The following ANKS1B variants were observed in gnomAD, a reference collection of about 807,000 sequenced individuals.
ANKS1B encodes the protein ankyrin repeat and sterile alpha motif domain-containing protein 1B.
Under a neutral mutation model 148.3 loss-of-function variants are expected in ANKS1B, and 36 were observed. That is an observed-to-expected ratio of 0.24 (90% CI 0.19 to 0.32). The LOEUF is 0.32. Among genes scored for constraint, ANKS1B ranks in the 10% least tolerant of loss-of-function variants. ANKS1B has a pLI of 1.00. For synonymous variants in ANKS1B, 542 were observed against 560.8 expected (o/e 0.97, Z 0.47); for missense variants, 1,157 against 1,542.6 (o/e 0.75, Z 4.19).
At position 98,745,477 on chromosome 12, in the gene ANKS1B, G is replaced by C; in HGVS notation, c.*262C>G. ...GTCATCAGAAATACCTTGGGAGGTG[G>C]TGGGGAGGGGAGTCGGGAGCATCAG... On this transcript the variant is annotated 3_prime_UTR_variant, in exon 27 of 27. Coordinates refer to ENST00000683438, the MANE Select transcript of ANKS1B (RefSeq NM_001352186.2). 1 of 1,142,878 alleles carries C rather than the reference G, an allele frequency of 8.7e-7. No homozygotes were observed. The highest frequency in any genetic ancestry group is 2.9e-5 in the South Asian group (1 of 34,094). The allele number at this position is 1,142,878 out of a possible 1,614,324, so 70.8% of individuals were successfully genotyped here. A position where few individuals can be genotyped will look rare whatever the true frequency, so the allele number is the denominator to read the frequency against.
intron 17 of ANKS1B, among the ~76,000 whole-genome samples, chr12:98,909,517 T>C (rs2099783858): frequency 6.6e-6 from 1 of 152,222 alleles, no homozygotes; most frequent in South Asian, 2.1e-4. Flanking sequence ...TCTAGAGTTC[T>C]GGCATCGTAT....
chr12:99,964,641 G>A (rs2095462052), intron 1 of ANKS1B, among the ~76,000 whole-genome samples: 1 of 152,212 alleles, frequency 6.6e-6, no homozygotes, highest in African/African-American at 2.4e-5. Context: ...TGCCCATGTG[G>A]TGATGGCAGA....
At chr12:99,226,599 CGT>C (rs1305420173) in intron 14 of ANKS1B, among the ~76,000 whole-genome samples, 1 of 152,092 alleles carries the variant, frequency 6.6e-6, no homozygotes, top group African/African-American at 2.4e-5. Context: ...CACGGACAAA[CGT>C]ATTCATTTTC....
intron 12 of ANKS1B, among the ~76,000 whole-genome samples, chr12:99,364,522 A>T (rs2092663502): frequency 1.3e-5 from 2 of 152,174 alleles, no homozygotes; most frequent in Non-Finnish European, 2.9e-5. Flanking sequence ...TTGTACCTGT[A>T]GTTCTCTAAT....
chr12:99,006,937 C>T (rs2099936490), intron 17 of ANKS1B, among the ~76,000 whole-genome samples: 1 of 152,186 alleles, frequency 6.6e-6, no homozygotes, highest in Non-Finnish European at 1.5e-5. Flanking sequence ...GGTAAGCTAA[C>T]CCCGGAGCCT....
At chr12:99,438,055 A>C (rs1477341462) in intron 11 of ANKS1B, among the ~76,000 whole-genome samples, 3 of 151,828 alleles carry the variant, frequency 2.0e-5, no homozygotes, top group African/African-American at 4.8e-5. Flanking sequence ...TTGACTAATC[A>C]CTTTAAAATT....
At chr12:99,031,165 T>G (rs1015904159) in intron 17 of ANKS1B, among the ~76,000 whole-genome samples, 2 of 152,214 alleles carry the variant, frequency 1.3e-5, no homozygotes, top group African/African-American at 4.8e-5. Context: ...ATACACTTGA[T>G]GGGGTTATAA....
intron 10 of ANKS1B, among the ~76,000 whole-genome samples, chr12:99,451,989 T>C (rs933397280): frequency 6.6e-6 from 1 of 152,168 alleles, no homozygotes; most frequent in Non-Finnish European, 1.5e-5. Context: ...TCATCAAATA[T>C]AAGTATTTAA....
chr12:99,660,428 A>G (rs1485317411), intron 8 of ANKS1B, among the ~76,000 whole-genome samples: 2 of 149,092 alleles, frequency 1.3e-5, no homozygotes, highest in African/African-American at 2.5e-5. Flanking sequence ...CAGTGGCACA[A>G]TCTCTGCTCA....
intron 9 of ANKS1B, among the ~76,000 whole-genome samples, chr12:99,556,427 C>T (rs1449232600): frequency 6.6e-6 from 1 of 151,722 alleles, no homozygotes; most frequent in Non-Finnish European, 1.5e-5. Context: ...CATGGCTTTT[C>T]ATGTCTCAAT....
chr12:99,327,821 G>A (rs941237404), intron 12 of ANKS1B, among the ~76,000 whole-genome samples: 19 of 151,420 alleles, frequency 1.3e-4, no homozygotes, highest in Non-Finnish European at 1.5e-4. Context: ...TAATCCCAGG[G>A]ATCAGCACTG....
At chr12:98,909,636 G>A (rs1031634313) in intron 17 of ANKS1B, among the ~76,000 whole-genome samples, 6 of 152,200 alleles carry the variant, frequency 3.9e-5, no homozygotes, top group Non-Finnish European at 7.3e-5. Flanking sequence ...AAATGGAAAA[G>A]GAGAACAGGA....
intron 9 of ANKS1B, among the ~76,000 whole-genome samples, chr12:99,540,518 T>G (rs186628770): frequency 6.6e-6 from 1 of 152,218 alleles, no homozygotes; most frequent in Non-Finnish European, 1.5e-5. Flanking sequence ...AAATGAAAAT[T>G]GAGAAATTCA....
chr12:99,932,615 TTG>T (rs1354725293), intron 1 of ANKS1B, among the ~76,000 whole-genome samples: 7 of 152,196 alleles, frequency 4.6e-5, no homozygotes, highest in Non-Finnish European at 1.0e-4. Context: ...AATATTTTAA[TTG>T]AATTACTAGA....
intron 8 of ANKS1B, among the ~76,000 whole-genome samples, chr12:99,703,537 A>G (rs1022759624): frequency 2.0e-5 from 3 of 152,102 alleles, no homozygotes; most frequent in South Asian, 2.1e-4. Flanking sequence ...GTATCTTTAC[A>G]TATGGTATTT....
intron 8 of ANKS1B, among the ~76,000 whole-genome samples, chr12:99,766,036 T>A (rs1039563201): frequency 6.6e-6 from 1 of 152,174 alleles, no homozygotes; most frequent in Non-Finnish European, 1.5e-5. Flanking sequence ...GAGATTCCCA[T>A]CATGATTGCT....
intron 14 of ANKS1B, among the ~76,000 whole-genome samples, chr12:99,213,998 T>C (rs888289871): frequency 2.6e-5 from 4 of 152,154 alleles, no homozygotes; most frequent in African/African-American, 9.7e-5. Context: ...TGGGCCTCAA[T>C]GACCGAGCGA....
At chr12:99,567,921 G>C (rs1232023118) in intron 9 of ANKS1B, among the ~76,000 whole-genome samples, 1 of 152,178 alleles carries the variant, frequency 6.6e-6, no homozygotes, top group Non-Finnish European at 1.5e-5. Context: ...CCAGGCACAT[G>C]AGTCAGCTCC....
chr12:98,848,761 C>T (rs557002603), intron 17 of ANKS1B, among the ~76,000 whole-genome samples: 279 of 3,248 alleles, frequency 0.086, 17 homozygotes, highest in Non-Finnish European at 0.1. Context: ...TTTTTTGAGA[C>T]GGAGTCTCGC....
Sources: gnomAD v4.1 joint callset for allele counts (sites outside exome capture counted in the v4.1 genomes callset) on GRCh38, gnomAD v4.1.1 for gene constraint, MANE v1.5 for transcripts, NCBI Gene and HGNC (gene_info 2026-07-23, HGNC 2026-07-21) for gene names.